The following DNAJA4 variants were observed in gnomAD, a reference collection of about 807,000 sequenced individuals.
DNAJA4 encodes DnaJ heat shock protein family (Hsp40) member A4.
In DNAJA4, 32 loss-of-function variants were observed where a neutral mutation model predicts 39.7. That is an observed-to-expected ratio of 0.81 (90% CI 0.61 to 1.08). The LOEUF is 1.08. DNAJA4 is among the 50% of genes least tolerant of loss of function. The pLI, the probability that DNAJA4 is intolerant of heterozygous loss-of-function variation, is 0.00. For synonymous variants in DNAJA4, 184 were observed against 182.4 expected (o/e 1.01, Z -0.07); for missense variants, 439 against 505.1 (o/e 0.87, Z 1.25).
Position 78,264,624 on chromosome 15 carries a change from A to G in DNAJA4, c.-140A>G. ...GGGGCGGGGGGCGGGCGGGAGCTACAAGCGGCGGCGGCGGCGGCGACCGTG... is the reference window on the plus strand; with the variant it reads ...GGGGCGGGGGGCGGGCGGGAGCTACGAGCGGCGGCGGCGGCGGCGACCGTG... On this transcript the variant is annotated 5_prime_UTR_variant, in exon 1 of 7. Coordinates refer to ENST00000394852, the MANE Select transcript of DNAJA4 (RefSeq NM_001130182.2). 1 of 947,522 alleles carries G rather than the reference A, an allele frequency of 1.1e-6. No individual in the cohort carries two copies. The highest frequency in any genetic ancestry group is 1.3e-6 in the Non-Finnish European group (1 of 785,042). 58.7% of individuals were successfully genotyped at this position (947,522 alleles called of 1,614,324 possible).
Position 78,264,894 on chromosome 15 carries a change from AG to A in DNAJA4, c.132+1del. ...GACAAGAACCCGGATGAGGGCGAGA[AG>A]GTGCGGGGCGGCGCGGGGCACGGGC... Reference protein sequence around the residue: ...HPDKNPDEGEKFKLISQAYEV... With the variant: ...HPDKNPDEGEXFKLISQAYEV... On this transcript the variant is annotated frameshift_variant and splice_region_variant, in exon 1 of 7. Transcript: ENST00000394852. LOFTEE classifies it high-confidence loss of function. 2 of 1,589,304 alleles carry A rather than the reference AG, an allele frequency of 1.3e-6. No homozygotes were observed. The highest frequency in any genetic ancestry group is 3.4e-5 in the Admixed American group (2 of 58,074).
At position 78,267,129 on chromosome 15, in the gene DNAJA4, AGTGTGTATGTGAGT is replaced by A. The variant is rs147758954; in HGVS notation, c.132+2241_132+2254del. ...GGGTGCACTGTGCAGGCCTTTTGTG[AGTGTGTATGTGAGT>A]GTGTGTGTGAGTGTGTATGTGAGTG... On this transcript the variant is annotated intron_variant, in intron 1 of 6. Coordinates refer to ENST00000394852, the MANE Select transcript of DNAJA4 (RefSeq NM_001130182.2). Among the ~76,000 whole-genome samples, 266 of 117,084 alleles carry A rather than the reference AGTGTGTATGTGAGT, an allele frequency of 2.3e-3. 7 individuals are homozygous for A. In the South Asian group the frequency reaches 0.069, roughly 30 times the overall value. The allele number at this position is 117,084 out of a possible 152,430, so 76.8% of individuals were successfully genotyped here. A position where few individuals can be genotyped will look rare whatever the true frequency, so the allele number is the denominator to read the frequency against.
rs945187748 is a variant in DNAJA4, at chr15:78,264,603, C to A, written c.-161C>A. 1.1e-5 allele frequency: 12 copies of A among 1,114,636 alleles called. No individual in the cohort carries two copies. In the African/African-American group the frequency reaches 1.8e-4, roughly 17 times the overall value. The allele number at this position is 1,114,636 out of a possible 1,614,324, so 69.0% of individuals were successfully genotyped here. A position where few individuals can be genotyped will look rare whatever the true frequency, so the allele number is the denominator to read the frequency against. ...GCGTGGAAGTCGGTCCGGCGCGGGG[C>A]GGGGGGCGGGCGGGAGCTACAAGCG... On this transcript the variant is annotated 5_prime_UTR_variant, in exon 1 of 7. Transcript: ENST00000394852.
chr15:78,274,504 G>A (rs1260672686), intron 4 of DNAJA4, 80 bp downstream of exon 4: 1 of 1,253,506 alleles, frequency 8.0e-7, no homozygotes, highest in Admixed American at 1.8e-5. Context: ...CAGACTAGAT[G>A]TCAGGGAAGT....
rs2049068554 is a variant in DNAJA4, at chr15:78,264,683, G to C, written c.-81G>C. Reference sequence around the variant, plus strand: ...GCGCGAGCGGGCGGCGGGGGCGCGGGCCAGGGGCGCGGGCCAGGGTGCCGG... The same window carrying C: ...GCGCGAGCGGGCGGCGGGGGCGCGGCCCAGGGGCGCGGGCCAGGGTGCCGG... On this transcript the variant is annotated 5_prime_UTR_variant, in exon 1 of 7. Coordinates refer to ENST00000394852, the MANE Select transcript of DNAJA4 (RefSeq NM_001130182.2). 1 of 1,183,136 alleles carries C rather than the reference G, an allele frequency of 8.5e-7. No homozygotes were observed. Among genetic ancestry groups the C allele is most frequent in the Non-Finnish European group, 1.1e-6 (1 of 941,134 alleles). The allele number at this position is 1,183,136 out of a possible 1,614,324, so 73.3% of individuals were successfully genotyped here.
At chr15:78,265,378 C>G (rs62007832) in intron 1 of DNAJA4, 139,525 of 664,432 alleles carry the variant, frequency 0.21, 15,008 homozygotes, top group Middle Eastern at 0.29. Context: ...GGACAAACGC[C>G]GTGCCTCTCT....
chr15:78,273,251 A>C (rs758451295), intron 3 of DNAJA4, 52 bp downstream of exon 3: 1 of 1,038,382 alleles, frequency 9.6e-7, no homozygotes, highest in Non-Finnish European at 1.5e-6. Context: ...TTAGATTCAG[A>C]AACAATGCTT....
In DNAJA4 at chr15:78,275,506, G is replaced by C; in HGVS notation, c.655G>C (p.Asp219His). 6.2e-7 allele frequency: 1 copy of C among 1,613,364 alleles called. No homozygotes were observed. The highest frequency in any genetic ancestry group is 8.5e-7 in the Non-Finnish European group (1 of 1,179,360). Residue 219 changes from aspartate to histidine, a missense_variant, in exon 5 of 7, where the codon GAT (aspartate) becomes CAT (histidine). Physicochemically the swap from Asp to His is moderately conservative, Grantham distance 81 (BLOSUM62 -1). Transcript: ENST00000394852. Reference sequence around the variant, plus strand: ...GGGATGATGTTTCATAGGTATGAAAGATGGGCAAAAGATACTATTTCATGG... The same window carrying C: ...GGGATGATGTTTCATAGGTATGAAACATGGGCAAAAGATACTATTTCATGG... The part of the protein sequence containing the change: ...IEVHVEKGMK[D>H]GQKILFHGEG...
chr15:78,274,852 C>T, intron 4 of DNAJA4: 1 of 214,104 alleles, frequency 4.7e-6, no homozygotes, highest in Non-Finnish European at 9.4e-6. Context: ...CACATTTCCC[C>T]ATGTGCTGCA....
intron 1 of DNAJA4, 134 bp downstream of exon 1, chr15:78,265,029 G>C: frequency 8.9e-7 from 1 of 1,127,456 alleles, no homozygotes; most frequent in Non-Finnish European, 1.2e-6. Context: ...GGGCCAGGCC[G>C]GGCAGAGGTG....
intron 2 of DNAJA4, 140 bp downstream of exon 2, chr15:78,270,817 G>C (rs2049274052): frequency 1.1e-6 from 1 of 925,892 alleles, no homozygotes; most frequent in Admixed American, 3.1e-5. Flanking sequence ...CAGCACTTTG[G>C]GAGGCCAAGG....
Position 78,264,642 on chromosome 15 carries a change from CGACCGT to C in DNAJA4, c.-112_-107del. The stretch of plus-strand genomic sequence containing the variant: ...GAGCTACAAGCGGCGGCGGCGGCGG[CGACCGT>C]GACCGTGACGCGCGAGCGGGCGGCG... On this transcript the variant is annotated 5_prime_UTR_variant, in exon 1 of 7. Coordinates refer to ENST00000394852, the MANE Select transcript of DNAJA4 (RefSeq NM_001130182.2). 1 of 1,016,314 alleles carries C rather than the reference CGACCGT, an allele frequency of 9.8e-7. No homozygotes were observed. The highest frequency in any genetic ancestry group is 1.2e-6 in the Non-Finnish European group (1 of 851,090). The allele number at this position is 1,016,314 out of a possible 1,614,324, so 63.0% of individuals were successfully genotyped here. A position where few individuals can be genotyped will look rare whatever the true frequency, so the allele number is the denominator to read the frequency against.
chr15:78,266,292 G>C, intron 1 of DNAJA4: 1 of 1,613,662 alleles, frequency 6.2e-7, no homozygotes, highest in Non-Finnish European at 8.5e-7. Flanking sequence ...GCACTCACAA[G>C]AGTAAGTTCA....
Position 78,264,838 on chromosome 15 carries a change from C to G in DNAJA4, c.75C>G (p.Ala25=). The change falls in exon 1 of 7, where the codon GCC becomes GCG. Residue 25 remains alanine, a synonymous_variant. Transcript: ENST00000394852. ...PSASPEEIKK[A]YRKLALKYHP... ...CGTCCCCGGAGGAGATCAAGAAGGC[C>G]TATCGGAAGCTGGCGCTCAAGTACC... The G allele has an allele frequency of 6.2e-7, 1 of 1,610,384 alleles. No homozygotes were observed. The highest frequency in any genetic ancestry group is 8.5e-7 in the Non-Finnish European group (1 of 1,178,258).
At position 78,280,358 on chromosome 15, in the gene DNAJA4, G is replaced by C; in HGVS notation, c.1092G>C (p.Leu364=). The change falls in exon 7 of 7, where the codon CTG becomes CTC. Residue 364 remains leucine (L), a synonymous_variant. Transcript: ENST00000394852. ...CAGATGACATGGATCAGGTGGAGCT[G>C]AAGGAGTTTTGTCCCAATGAGCAGA... ...RITDDMDQVE[L]KEFCPNEQNW... is the part of the protein sequence containing the mutation. 6.2e-7 allele frequency: 1 copy of C among 1,614,240 alleles called. No individual in the cohort carries two copies. Among genetic ancestry groups the C allele is most frequent in the South Asian group, 1.1e-5 (1 of 91,088 alleles).
intron 4 of DNAJA4, chr15:78,275,118 T>C (rs1214957061): frequency 4.6e-6 from 1 of 215,708 alleles, no homozygotes; most frequent in Non-Finnish European, 9.3e-6. Context: ...AGCTGACTTA[T>C]TAGAAAAGGA....
At chr15:78,274,584 C>T in intron 4 of DNAJA4, 160 bp downstream of exon 4, 1 of 678,578 alleles carries the variant, frequency 1.5e-6, no homozygotes, top group Non-Finnish European at 2.5e-6. Context: ...CTTCACCCTT[C>T]CTGGCCTTAT....
Position 78,281,605 on chromosome 15 carries a change from T to A in DNAJA4, c.*1145T>A, listed in dbSNP as rs1446019139. Reference sequence around the variant, plus strand: ...GGGATATTAGTCATTATTTTATTCATGACAGGTAGACTACAATTCGAACTT... The same window carrying A: ...GGGATATTAGTCATTATTTTATTCAAGACAGGTAGACTACAATTCGAACTT... On this transcript the variant is annotated 3_prime_UTR_variant, in exon 7 of 7. Coordinates refer to ENST00000394852, the MANE Select transcript of DNAJA4 (RefSeq NM_001130182.2). The A allele has an allele frequency of 6.6e-6, 1 of 152,256 alleles. No homozygotes were observed. Among genetic ancestry groups the A allele is most frequent in the Non-Finnish European group, 1.5e-5 (1 of 68,038 alleles). The allele number at this position is 152,256 out of a possible 1,614,324, so 9.4% of individuals were successfully genotyped here.
intron 2 of DNAJA4, 100 bp downstream of exon 2, chr15:78,270,777 G>T: frequency 7.6e-7 from 1 of 1,309,798 alleles, no homozygotes; most frequent in South Asian, 1.6e-5. Flanking sequence ...ATATGATTGG[G>T]CCAGGCGCGG....
Sources: allele counts gnomAD v4.1 joint callset (sites outside exome capture counted in the v4.1 genomes callset), GRCh38; gene constraint gnomAD v4.1.1; transcripts MANE v1.5; gene names NCBI Gene and HGNC (gene_info 2026-07-23, HGNC 2026-07-21).